EPB41L4B: variants seen among roughly 807,000 people sequenced by gnomAD.
EPB41L4B encodes the protein erythrocyte membrane protein band 4.1 like 4B.
In EPB41L4B, 30 loss-of-function variants were observed where a neutral mutation model predicts 112.5. The ratio of observed to expected loss-of-function variants is 0.27; its 90% CI spans 0.20 to 0.36. The LOEUF (loss-of-function observed/expected upper bound fraction) is 0.36. Ranked by LOEUF, EPB41L4B falls within the 10% of genes least tolerant of loss-of-function variation. The pLI is 1.00. For missense variants in EPB41L4B, 1,024 were observed against 1,133.3 expected (o/e 0.90, Z 1.38); for synonymous variants, 408 against 439.7 (o/e 0.93, Z 0.90).
intron 16 of EPB41L4B, among the ~76,000 whole-genome samples, chr9:109,215,590 C>A (rs191971188): frequency 2.6e-5 from 4 of 152,040 alleles, no homozygotes; most frequent in South Asian, 2.1e-4. Context: ...AAGTTTCAAG[C>A]GATTCTCCTG....
intron 15 of EPB41L4B, among the ~76,000 whole-genome samples, chr9:109,224,220 A>G (rs1195823332): frequency 6.6e-6 from 1 of 152,120 alleles, no homozygotes; most frequent in Non-Finnish European, 1.5e-5. Context: ...AAACAGGTCC[A>G]TGCAAAAACT....
At chr9:109,290,433 T>C (rs757436635) in intron 1 of EPB41L4B, among the ~76,000 whole-genome samples, 1 of 152,094 alleles carries the variant, frequency 6.6e-6, no homozygotes, top group African/African-American at 2.4e-5. Flanking sequence ...AAAGAAAAAT[T>C]GAGGTTAGTC....
chr9:109,254,896 T>C (rs1317854651), intron 11 of EPB41L4B, among the ~76,000 whole-genome samples: 2 of 152,232 alleles, frequency 1.3e-5, no homozygotes, highest in Admixed American at 1.3e-4. Flanking sequence ...TTCTGGACAT[T>C]GGCATGCAAA....
chr9:109,197,819 C>CAA (rs11410452), intron 20 of EPB41L4B, among the ~76,000 whole-genome samples: 4,464 of 131,762 alleles, frequency 0.034, 99 homozygotes, highest in Middle Eastern at 0.054. Context: ...GACTCTGTAT[C>CAA]AAAAAAAAAA....
intron 22 of EPB41L4B, among the ~76,000 whole-genome samples, chr9:109,190,829 C>T (rs1327236766): frequency 1.3e-5 from 2 of 152,220 alleles, no homozygotes; most frequent in East Asian, 3.8e-4. Context: ...ATTGTTCCAC[C>T]TGATAGGCTG....
At chr9:109,251,452 G>A in intron 13 of EPB41L4B, 29 bp downstream of exon 13, 1 of 1,602,990 alleles carries the variant, frequency 6.2e-7, no homozygotes, top group Non-Finnish European at 8.5e-7. Context: ...AGAGAGGAGA[G>A]CTGTGCTCTA....
intron 17 of EPB41L4B, among the ~76,000 whole-genome samples, chr9:109,208,342 A>G (rs527930276): frequency 1.3e-5 from 2 of 152,312 alleles, no homozygotes; most frequent in Admixed American, 1.3e-4. Context: ...AGAAGAGGAC[A>G]TCTCCTGGTT....
rs570742855 is a variant in EPB41L4B, at chr9:109,231,196, TGTA to T, written c.1409+12419_1409+12421del. Among the ~76,000 whole-genome samples the T allele has an allele frequency of 5.3e-5, 8 of 150,302 alleles. No individual in the cohort carries two copies. In the South Asian group the frequency reaches 1.5e-3, roughly 28 times the overall value. ...AAAAGGTCAAAACTGCATTTTTGGG[TGTA>T]GTTTAGATTCCTTTATAGAGACTAA... On this transcript the variant is annotated intron_variant, in intron 15 of 25. Transcript: ENST00000374566.
In EPB41L4B at chr9:109,216,995, G is replaced by A. The variant is rs1833396065; in HGVS notation, c.1560C>T (p.Tyr520=). 3 of 1,614,234 alleles carry A rather than the reference G, an allele frequency of 1.9e-6. No homozygotes were observed. Among genetic ancestry groups the A allele is most frequent in the Non-Finnish European group, 8.5e-7 (1 of 1,180,048 alleles). The change falls in exon 16 of 26, where the codon TAC becomes TAT. Residue 520 remains tyrosine, a synonymous_variant. Transcript: ENST00000374566. The part of the protein sequence containing the change: ...HQHQHQHHSN[Y]SLSLTLENKE... Reference sequence around the variant, plus strand: ...TGTTCTCCAGGGTCAGTGAGAGGCTGTAGTTTGAGTGGTGCTGGTGCTGAT... The same window carrying A: ...TGTTCTCCAGGGTCAGTGAGAGGCTATAGTTTGAGTGGTGCTGGTGCTGAT...
At chr9:109,198,484 G>T (rs1219208356) in intron 20 of EPB41L4B, among the ~76,000 whole-genome samples, 1 of 152,148 alleles carries the variant, frequency 6.6e-6, no homozygotes, top group African/African-American at 2.4e-5. Flanking sequence ...AACTAGCCAG[G>T]GGCCTGACAG....
rs181234061 is a variant in EPB41L4B, at chr9:109,192,216, C to T, written c.2301+62G>A. On this transcript the variant is annotated intron_variant, in intron 22 of 25. Transcript: ENST00000374566. ...CAATGCCCACCTCTGTCCATCCGTC[C>T]CACTGCCAAGATGTTTCTATGGTCT... is the stretch of plus-strand genomic sequence containing the variant. 3 of 1,340,242 alleles carry T rather than the reference C, an allele frequency of 2.2e-6. No homozygotes were observed. In the East Asian group the frequency reaches 7.0e-5, roughly 31 times the overall value. 83.0% of individuals were successfully genotyped at this position (1,340,242 alleles called of 1,614,324 possible). A position where few individuals can be genotyped will look rare whatever the true frequency, so the allele number is the denominator to read the frequency against.
chr9:109,217,293 G>T, intron 15 of EPB41L4B, 148 bp from the exon 16 acceptor site: 1 of 670,608 alleles, frequency 1.5e-6, no homozygotes, highest in Non-Finnish European at 2.5e-6. Context: ...ATATACAATG[G>T]TAATATTATA....
rs1391574622 is a variant in EPB41L4B at position 109,217,004 on chromosome 9, G to GTGGTGC, written c.1545_1550dup (p.Gln515_His516dup). The GTGGTGC allele has an allele frequency of 1.2e-6, 2 of 1,614,242 alleles. No individual in the cohort carries two copies. Among genetic ancestry groups the GTGGTGC allele is most frequent in the South Asian group, 1.1e-5 (1 of 91,082 alleles). The stretch of plus-strand genomic sequence containing the variant: ...GGGTCAGTGAGAGGCTGTAGTTTGA[G>GTGGTGC]TGGTGCTGGTGCTGATGCTGATGCT... On this transcript the variant is annotated inframe_insertion, in exon 16 of 26. Coordinates refer to ENST00000374566, the MANE Select transcript of EPB41L4B (RefSeq NM_019114.5).
At chr9:109,178,632 G>T (rs1253559360) in intron 24 of EPB41L4B, among the ~76,000 whole-genome samples, 1 of 151,534 alleles carries the variant, frequency 6.6e-6, no homozygotes, top group Non-Finnish European at 1.5e-5. Flanking sequence ...AGTAGAGATG[G>T]GGTTTCACCA....
intron 6 of EPB41L4B, among the ~76,000 whole-genome samples, chr9:109,260,610 T>C (rs2119048072): frequency 6.6e-6 from 1 of 152,230 alleles, no homozygotes; most frequent in Non-Finnish European, 1.5e-5. Context: ...AGATGGAGTT[T>C]TACTATGTTG....
intron 20 of EPB41L4B, among the ~76,000 whole-genome samples, chr9:109,197,831 A>AC (rs962362875): frequency 6.6e-6 from 1 of 151,618 alleles, no homozygotes; most frequent in Non-Finnish European, 1.5e-5. Flanking sequence ...AAAAAAAAAA[A>AC]AAACAAAAAA....
chr9:109,253,089 T>C (rs1402986978), intron 12 of EPB41L4B, among the ~76,000 whole-genome samples: 1 of 152,218 alleles, frequency 6.6e-6, no homozygotes, highest in Non-Finnish European at 1.5e-5. Context: ...CACTTAAAAT[T>C]GCAAGATGAT....
intron 15 of EPB41L4B, among the ~76,000 whole-genome samples, chr9:109,227,070 C>T (rs1200258929): frequency 6.6e-6 from 1 of 151,906 alleles, no homozygotes; most frequent in Non-Finnish European, 1.5e-5. Flanking sequence ...AGATCCTGGT[C>T]TTAAGCGGTC....
chr9:109,247,638 T>C, intron 14 of EPB41L4B, 118 bp downstream of exon 14: 1 of 621,870 alleles, frequency 1.6e-6, no homozygotes, highest in Non-Finnish European at 2.5e-6. Context: ...CAAAATCTGA[T>C]TACAAATATG....
Sources: allele counts gnomAD v4.1 joint callset (sites outside exome capture counted in the v4.1 genomes callset), GRCh38; gene constraint gnomAD v4.1.1; transcripts MANE v1.5; gene names NCBI Gene and HGNC (gene_info 2026-07-23, HGNC 2026-07-21).